The following ENTPD1 variants were observed in gnomAD, a reference collection of about 807,000 sequenced individuals.
The protein encoded by ENTPD1 is ATP diphosphohydrolase.
A neutral mutation model predicts 57.0 loss-of-function variants in ENTPD1; 33 were observed. That is an observed-to-expected ratio of 0.58 (90% CI 0.44 to 0.77). ENTPD1 has a LOEUF of 0.77. ENTPD1 is among the 30% of genes least tolerant of loss of function. The pLI is 0.00. For missense variants in ENTPD1, 501 were observed against 603.4 expected (o/e 0.83, Z 1.78); for synonymous variants, 202 against 218.8 (o/e 0.92, Z 0.68).
chr10:95,845,897 G>A lies in ENTPD1; in HGVS notation c.813+301G>A, dbSNP rs560697854. The A allele has an allele frequency of 9.9e-6, 4 of 403,352 alleles. No homozygotes were observed. The South Asian group carries it at 1.1e-4, about 12-fold the overall frequency. 25.0% of individuals were successfully genotyped at this position (403,352 alleles called of 1,614,324 possible). A position where few individuals can be genotyped will look rare whatever the true frequency, so the allele number is the denominator to read the frequency against. ...AAAATTATGTGGTAGAATATTGTTT[G>A]TTGGAGGGGGAATTGCAATTTATAA... On this transcript the variant is annotated intron_variant, in intron 6 of 9. Coordinates refer to ENST00000371205, the MANE Select transcript of ENTPD1 (RefSeq NM_001776.6).
chr10:95,780,031 C>T (rs2098150384), intron 1 of ENTPD1, among the ~76,000 whole-genome samples: 1 of 152,180 alleles, frequency 6.6e-6, no homozygotes, highest in African/African-American at 2.4e-5. Context: ...ACTAATACTG[C>T]TGTTACCCAC....
At chr10:95,824,925 T>C (rs1015679656) in intron 2 of ENTPD1, among the ~76,000 whole-genome samples, 8 of 152,226 alleles carry the variant, frequency 5.3e-5, no homozygotes, top group African/African-American at 1.9e-4. Flanking sequence ...CATCACTGAT[T>C]TATTTTATAC....
chr10:95,760,814 C>CTTTTTTTTT lies in ENTPD1; in HGVS notation c.16+4584_16+4592dup, dbSNP rs71034350. 6.6e-3 allele frequency among the ~76,000 whole-genome samples: 418 copies of CTTTTTTTTT among 62,958 alleles called. 83 individuals are homozygous for CTTTTTTTTT. Among genetic ancestry groups the CTTTTTTTTT allele is most frequent in the Middle Eastern group, 0.038 (2 of 52 alleles). 41.3% of individuals were successfully genotyped at this position (62,958 alleles called of 152,430 possible). A position where few individuals can be genotyped will look rare whatever the true frequency, so the allele number is the denominator to read the frequency against. On this transcript the variant is annotated intron_variant, in intron 1 of 9. Coordinates refer to ENST00000371205, the MANE Select transcript of ENTPD1 (RefSeq NM_001776.6). ...TGGAGTAAATTACATAGAGTTTATT[C>CTTTTTTTTT]TTTTTTTTTTTTTTTTTTTTTTTTT...
rs139599088 is a variant in ENTPD1, at chr10:95,793,492, C to T, written c.17-29745C>T. ...TCAGTCTCTTTCTCCCCTTCTCATC[C>T]GCCATTAATTAGGAGGTTACTTATG... is the stretch of plus-strand genomic sequence containing the variant. On this transcript the variant is annotated intron_variant, in intron 1 of 9. Transcript: ENST00000371205. Among the ~76,000 whole-genome samples, 1,084 of 152,186 alleles carry T rather than the reference C, an allele frequency of 7.1e-3. 17 individuals are homozygous for T. Among genetic ancestry groups the T allele is most frequent in the Non-Finnish European group, 6.9e-3 (467 of 68,002 alleles).
At chr10:95,722,218 A>T (rs888709517) in intron 1 of ENTPD1, among the ~76,000 whole-genome samples, 18 of 146,420 alleles carry the variant, frequency 1.2e-4, no homozygotes, top group Non-Finnish European at 3.0e-5. Flanking sequence ...CCTATCAATT[A>T]CTGAATACCC....
At chr10:95,717,362 A>G (rs1480177373) in intron 1 of ENTPD1, among the ~76,000 whole-genome samples, 2 of 110,514 alleles carry the variant, frequency 1.8e-5, no homozygotes, top group Non-Finnish European at 3.6e-5. Context: ...TTTTTTTTGC[A>G]GTTGCAAGAT....
upstream of ENTPD1, among the ~76,000 whole-genome samples, chr10:95,708,894 GA>G (rs1215718937): frequency 5.3e-5 from 8 of 152,224 alleles, no homozygotes; most frequent in Middle Eastern, 3.4e-3. Flanking sequence ...ATAATTTCGT[GA>G]AAAAAATTCT....
chr10:95,772,904 A>G (rs1225312105), intron 1 of ENTPD1, among the ~76,000 whole-genome samples: 1 of 152,200 alleles, frequency 6.6e-6, no homozygotes. Flanking sequence ...ATAAAGGAAT[A>G]CCAGAGACAG....
intron 1 of ENTPD1, among the ~76,000 whole-genome samples, chr10:95,820,771 G>T (rs943224584): frequency 1.4e-4 from 21 of 152,192 alleles, no homozygotes; most frequent in African/African-American, 4.8e-4. Flanking sequence ...ATTGTGACCT[G>T]AAATCACCTA....
upstream of ENTPD1, among the ~76,000 whole-genome samples, chr10:95,751,252 G>A (rs567297570): frequency 1.1e-4 from 17 of 152,312 alleles, no homozygotes; most frequent in African/African-American, 2.9e-4. Context: ...AGAAAGATGA[G>A]AGAGTATGCA....
In ENTPD1 at chr10:95,756,299, A is replaced by G. The variant is rs1330093069; in HGVS notation, c.16+44A>G. ...TGATCTGAATCCTTAAGAAAAAAAA[A>G]ATAGAAGGAAAAATAAAAGCCCAGA... On this transcript the variant is annotated intron_variant, in intron 1 of 9. Coordinates refer to ENST00000371205, the MANE Select transcript of ENTPD1 (RefSeq NM_001776.6). 3.2e-6 allele frequency: 5 copies of G among 1,544,082 alleles called. No individual in the cohort carries two copies. The South Asian group carries it at 5.0e-5, about 15-fold the overall frequency.
Position 95,738,771 on chromosome 10 carries a change from A to C in ENTPD1, c.37+26778A>C, listed in dbSNP as rs1234588705. ...AGAGGGAGATCACAACAGCCAAAGA[A>C]GATTACCTATTTATTAAGCACATAG... On this transcript the variant is annotated intron_variant, in intron 1 of 9. Coordinates refer to the ENTPD1 transcript ENST00000453258. Among the ~76,000 whole-genome samples the C allele has an allele frequency of 2.0e-5, 3 of 152,272 alleles. No homozygotes were observed. In the South Asian group the frequency reaches 6.2e-4, roughly 32 times the overall value.
chr10:95,850,354 GTT>G (rs1010323516), intron 7 of ENTPD1, among the ~76,000 whole-genome samples: 4 of 152,034 alleles, frequency 2.6e-5, no homozygotes, highest in Non-Finnish European at 5.9e-5. Context: ...TTTTTGTTTT[GTT>G]TTGTTTTATG....
intron 1 of ENTPD1, among the ~76,000 whole-genome samples, chr10:95,762,758 T>C (rs2098071263): frequency 1.3e-5 from 2 of 152,190 alleles, no homozygotes; most frequent in Non-Finnish European, 2.9e-5. Context: ...TTAAAGTTCT[T>C]GATTACTGTT....
upstream of ENTPD1, chr10:95,711,713 G>T: frequency 2.0e-6 from 1 of 504,094 alleles, no homozygotes. Flanking sequence ...CTCCCAAAGT[G>T]CTGAGGTCAC....
intron 1 of ENTPD1, among the ~76,000 whole-genome samples, chr10:95,712,412 G>A (rs766009987): frequency 1.3e-5 from 2 of 152,126 alleles, no homozygotes; most frequent in Non-Finnish European, 2.9e-5. Flanking sequence ...TTTCATGTCC[G>A]TATAAGACCT....
intron 1 of ENTPD1, among the ~76,000 whole-genome samples, chr10:95,735,437 G>T (rs1032704092): frequency 6.6e-6 from 1 of 152,172 alleles, no homozygotes; most frequent in Non-Finnish European, 1.5e-5. Context: ...ACAAGTATGC[G>T]TAGTATTTCA....
At chr10:95,789,196 T>C (rs987248061) in intron 1 of ENTPD1, among the ~76,000 whole-genome samples, 5 of 152,180 alleles carry the variant, frequency 3.3e-5, no homozygotes, top group Non-Finnish European at 7.3e-5. Context: ...TGAGAATTTA[T>C]TGAGAGCCCT....
intron 1 of ENTPD1, among the ~76,000 whole-genome samples, chr10:95,776,207 T>C (rs2098133270): frequency 6.6e-6 from 1 of 152,212 alleles, no homozygotes; most frequent in South Asian, 2.1e-4. Flanking sequence ...ATTTTACCCA[T>C]TAGTTTATGC....
Sources: allele counts gnomAD v4.1 joint callset (sites outside exome capture counted in the v4.1 genomes callset), GRCh38; gene constraint gnomAD v4.1.1; transcripts MANE v1.5; gene names NCBI Gene and HGNC (gene_info 2026-07-23, HGNC 2026-07-21).